TRPV4: variants seen among roughly 807,000 people sequenced by gnomAD.
TRPV4 encodes OSM9-like transient receptor potential channel 4.
Under a neutral mutation model 84.1 loss-of-function variants are expected in TRPV4, and 58 were observed. The observed-to-expected ratio is 0.69, with a 90% confidence interval of 0.56 to 0.86. TRPV4 has a LOEUF of 0.86. Among genes scored for constraint, TRPV4 ranks in the 40% least tolerant of loss-of-function variants. The pLI is 0.00. For missense variants in TRPV4, 879 were observed against 1,181.1 expected (o/e 0.74, Z 3.75); for synonymous variants, 489 against 500.9 (o/e 0.98, Z 0.32).
intron 6 of TRPV4, among the ~76,000 whole-genome samples, chr12:109,797,828 G>C (rs1048547003): frequency 6.6e-6 from 1 of 152,070 alleles, no homozygotes; most frequent in African/African-American, 2.4e-5. Flanking sequence ...GCTTCTCCCA[G>C]GCTCCTTCCT....
rs554713253 is a variant in TRPV4, at chr12:109,783,338, G to A, written c.*283C>T. 5.8e-5 allele frequency: 25 copies of A among 430,660 alleles called. No individual in the cohort carries two copies. The East Asian group carries it at 9.4e-4, about 16-fold the overall frequency. 26.7% of individuals were successfully genotyped at this position (430,660 alleles called of 1,614,324 possible). On this transcript the variant is annotated 3_prime_UTR_variant, in exon 16 of 16. Transcript: ENST00000261740. This position sits in a 1 kb window ranked among gnomAD's most constrained non-coding sequence, Gnocchi z 4.6. ...GGTCACGTCGCTTCCTGAGAGCAGA[G>A]CAAATAAATAATGGAGAGGCAGGGG...
intron 13 of TRPV4, among the ~76,000 whole-genome samples, chr12:109,787,124 G>A (rs1172193713): frequency 1.3e-5 from 2 of 152,170 alleles, no homozygotes; most frequent in Non-Finnish European, 2.9e-5. Context: ...GGGAGAACAG[G>A]GAGCAAATGC....
chr12:109,807,393 C>CTTTT (rs377690733), intron 3 of TRPV4, among the ~76,000 whole-genome samples: 137 of 135,114 alleles, frequency 1.0e-3, no homozygotes, highest in African/African-American at 3.3e-3. Context: ...TATCACAATT[C>CTTTT]TTTTTTTTTT....
rs1300673573 is a variant in TRPV4, at chr12:109,793,830, C to G, written c.1584+100G>C. The G allele has an allele frequency of 3.5e-5, 34 of 959,530 alleles. No individual in the cohort carries two copies. The highest frequency in any genetic ancestry group is 4.1e-5 in the Non-Finnish European group (25 of 608,832). The allele number at this position is 959,530 out of a possible 1,614,324, so 59.4% of individuals were successfully genotyped here. Reference sequence around the variant, plus strand: ...AAAGGAGGAAGGAAAGGAGAAGGACCATTTGGAGGAGAGAGAAGAGAAAAA... The same window carrying G: ...AAAGGAGGAAGGAAAGGAGAAGGACGATTTGGAGGAGAGAGAAGAGAAAAA... On this transcript the variant is annotated intron_variant, in intron 9 of 15. Transcript: ENST00000261740. This position sits in a 1 kb window ranked among gnomAD's most constrained non-coding sequence, Gnocchi z 4.0.
In TRPV4 at chr12:109,783,231, C is replaced by T. The variant is rs1018220083; in HGVS notation, c.*390G>A. The T allele has an allele frequency of 1.4e-5, 3 of 212,350 alleles. No individual in the cohort carries two copies. Among genetic ancestry groups the T allele is most frequent in the Non-Finnish European group, 2.8e-5 (3 of 106,878 alleles). The allele number at this position is 212,350 out of a possible 1,614,324, so 13.2% of individuals were successfully genotyped here. A position where few individuals can be genotyped will look rare whatever the true frequency, so the allele number is the denominator to read the frequency against. ...AAAATGGTGGCGCATGCAGCTCAGG[C>T]GCAGGCTGAGGCTGGGGCTTGGCCG... On this transcript the variant is annotated 3_prime_UTR_variant, in exon 16 of 16. Transcript: ENST00000261740. This position sits in a 1 kb window ranked among gnomAD's most constrained non-coding sequence, Gnocchi z 4.6.
rs138301077 is a variant in TRPV4, at chr12:109,794,416, G to A, written c.1404C>T (p.Ala468=). ...LLRDKWRKFG[A]VSFYINVVSY... ...AGACCACGTTGATGTAGAAGGAGAC[G>A]GCCCCGAACTTGCGCCACTTGTCCC... Residue 468 remains alanine, a synonymous_variant, in exon 8 of 16, where the codon GCC becomes GCT. Transcript: ENST00000261740. 2.9e-5 allele frequency: 46 copies of A among 1,613,862 alleles called. No individual in the cohort carries two copies. In the African/African-American group the frequency reaches 3.1e-4, roughly 11 times the overall value.
At position 109,814,025 on chromosome 12, in the gene TRPV4, G is replaced by A. The variant is rs923657816; in HGVS notation, c.386+386C>T. Among the ~76,000 whole-genome samples the A allele has an allele frequency of 1.3e-5, 2 of 151,944 alleles. No individual in the cohort carries two copies. The highest frequency in any genetic ancestry group is 2.9e-5 in the Non-Finnish European group (2 of 67,984). On this transcript the variant is annotated intron_variant, in intron 2 of 15. Transcript: ENST00000261740. This position sits in a 1 kb window ranked among gnomAD's most constrained non-coding sequence, Gnocchi z 5.4. ...TGGATAGATGGATAGATGATAGATG[G>A]CTGGATGATGGATGGATGTATGGAT...
chr12:109,800,243 C>G (rs550902923), intron 5 of TRPV4, among the ~76,000 whole-genome samples: 2 of 152,264 alleles, frequency 1.3e-5, no homozygotes, highest in South Asian at 4.1e-4. Context: ...CCGTGCCCAG[C>G]CATTTTTTAA....
At chr12:109,807,845 T>C (rs371414456) in intron 3 of TRPV4, among the ~76,000 whole-genome samples, 80 of 152,154 alleles carry the variant, frequency 5.3e-4, no homozygotes, top group African/African-American at 1.8e-3. Flanking sequence ...CACCTGCCCA[T>C]CCCTCCAGAC....
At chr12:109,817,605 T>C (rs971907131) in intron 1 of TRPV4, among the ~76,000 whole-genome samples, 2 of 152,220 alleles carry the variant, frequency 1.3e-5, no homozygotes, top group Non-Finnish European at 2.9e-5. Context: ...GGCTGCTGTG[T>C]GGCCTTCGGC....
chr12:109,822,978 T>C (rs1892148595), intron 1 of TRPV4, among the ~76,000 whole-genome samples: 2 of 152,144 alleles, frequency 1.3e-5, no homozygotes, highest in South Asian at 4.1e-4. Context: ...AGGCAATGAC[T>C]CCTAGAGAAG....
At chr12:109,831,546 C>A (rs1395338420) in intron 1 of TRPV4, among the ~76,000 whole-genome samples, 1 of 152,250 alleles carries the variant, frequency 6.6e-6, no homozygotes, top group Non-Finnish European at 1.5e-5. Context: ...GCTCCAGTGC[C>A]CAGCCCAGAG....
chr12:109,802,958 C>T, intron 4 of TRPV4, 33 bp downstream of exon 4: 1 of 1,611,632 alleles, frequency 6.2e-7, no homozygotes, highest in Non-Finnish European at 8.5e-7. Flanking sequence ...TCCATCAGCC[C>T]CCGTGGCACC....
chr12:109,790,171 C>T (rs1889941349), intron 12 of TRPV4, among the ~76,000 whole-genome samples: 1 of 152,196 alleles, frequency 6.6e-6, no homozygotes, highest in Non-Finnish European at 1.5e-5. Context: ...CACTTCCCAC[C>T]AATAATCTAC....
At chr12:109,799,947 TTTATTTA>T (rs1257870377) in intron 5 of TRPV4, among the ~76,000 whole-genome samples, 3 of 151,546 alleles carry the variant, frequency 2.0e-5, no homozygotes, top group Admixed American at 6.6e-5. Flanking sequence ...TATTTATTTA[TTTATTTA>T]TTTTTTGAGA....
intron 11 of TRPV4, 86 bp downstream of exon 11, chr12:109,792,566 G>A: frequency 6.3e-7 from 1 of 1,591,104 alleles, no homozygotes; most frequent in Non-Finnish European, 8.6e-7. Flanking sequence ...AGCATCCTCA[G>A]GTCTGCAGGT....
Position 109,798,552 on chromosome 12 carries a change from C to A in TRPV4, c.1152+62G>T. On this transcript the variant is annotated intron_variant, in intron 6 of 15. Transcript: ENST00000261740. This position sits in a 1 kb window ranked among gnomAD's most constrained non-coding sequence, Gnocchi z 5.0. ...ATAATGAATACCAGCAGCAGACCCT[C>A]GTGTGTGTGTGCAGAGGGGTACGAG... The A allele has an allele frequency of 2.5e-6, 4 of 1,586,460 alleles. No homozygotes were observed. The South Asian group carries it at 4.4e-5, about 18-fold the overall frequency.
In TRPV4 at chr12:109,786,786, T is replaced by C; in HGVS notation, c.2260A>G (p.Lys754Glu). Reference protein sequence around the residue: ...IERSFPVFLRKAFRSGEMVTV... With the variant: ...IERSFPVFLREAFRSGEMVTV... Reference sequence around the variant, plus strand: ...ACCATCTCCCCAGAGCGGAAGGCCTTCCTCAGGAATACGGGGAAGGAGCGC... The same window carrying C: ...ACCATCTCCCCAGAGCGGAAGGCCTCCCTCAGGAATACGGGGAAGGAGCGC... Residue 754 changes from lysine (K) to glutamate (E), a missense_variant, in exon 14 of 16, where the codon AAG becomes GAG. By Grantham distance (56) the Lys-to-Glu change is moderately conservative. Around this residue, in one of 4 missense-constraint regions of TRPV4, gnomAD observed 242 missense variants for 355.3 expected, o/e 0.68. Coordinates refer to ENST00000261740, the MANE Select transcript of TRPV4 (RefSeq NM_021625.5). The surrounding 1 kb of genome is among the most constrained non-coding windows in gnomAD (Gnocchi z 4.5). 6.2e-7 allele frequency: 1 copy of C among 1,613,990 alleles called. No homozygotes were observed. The highest frequency in any genetic ancestry group is 1.1e-5 in the South Asian group (1 of 91,078).
chr12:109,798,990 G>A lies in TRPV4; in HGVS notation c.854-78C>T, dbSNP rs557521223. On this transcript the variant is annotated intron_variant, in intron 5 of 15. Coordinates refer to ENST00000261740, the MANE Select transcript of TRPV4 (RefSeq NM_021625.5). This position sits in a 1 kb window ranked among gnomAD's most constrained non-coding sequence, Gnocchi z 5.0. Reference sequence around the variant, plus strand: ...CTCTGCCTGCAGACACTCGGGGGACGGACACCGTGGCGCTCTGAGGATAAT... The same window carrying A: ...CTCTGCCTGCAGACACTCGGGGGACAGACACCGTGGCGCTCTGAGGATAAT... The A allele has an allele frequency of 1.5e-5, 21 of 1,370,298 alleles. No individual in the cohort carries two copies. The highest frequency in any genetic ancestry group is 2.3e-4 in the Middle Eastern group (1 of 4,312). 84.9% of individuals were successfully genotyped at this position (1,370,298 alleles called of 1,614,324 possible). A position where few individuals can be genotyped will look rare whatever the true frequency, so the allele number is the denominator to read the frequency against.
Sources: gnomAD v4.1 joint callset for allele counts (sites outside exome capture counted in the v4.1 genomes callset) on GRCh38, gnomAD v4.1.1 for gene constraint, gnomAD v4.1.1 regional missense constraint, Gnocchi (gnomAD v3.1) non-coding constraint, MANE v1.5 for transcripts, NCBI Gene and HGNC (gene_info 2026-07-23, HGNC 2026-07-21) for gene names.